Variants in UTP4 observed in about 807,000 individuals in gnomAD.
UTP4 encodes the protein UTP4 small subunit processome component, also known as U3 small nucleolar RNA-associated protein 4 homolog.
In UTP4, 45 loss-of-function variants were observed where a neutral mutation model predicts 82.4. That is an observed-to-expected ratio of 0.55 (90% CI 0.43 to 0.70). UTP4 has a LOEUF of 0.70. Ranked by LOEUF, UTP4 falls within the 30% of genes least tolerant of loss-of-function variation. UTP4 has a pLI of 0.00. For synonymous variants in UTP4, 348 were observed against 300.3 expected (o/e 1.16, Z -1.64); for missense variants, 819 against 858.3 (o/e 0.95, Z 0.57).
intron 10 of UTP4, among the ~76,000 whole-genome samples, chr16:69,155,623 A>G (rs1963390080): frequency 6.6e-6 from 1 of 152,204 alleles, no homozygotes; most frequent in Non-Finnish European, 1.5e-5. Context: ...GTATGAGGCT[A>G]TCTATGAAGT....
intron 13 of UTP4, 114 bp downstream of exon 13, chr16:69,160,576 T>A: frequency 2.6e-6 from 2 of 767,230 alleles, no homozygotes; most frequent in Non-Finnish European, 4.4e-6. Flanking sequence ...TAGACTTTTT[T>A]CTTTTTATTT....
At chr16:69,166,453 A>T (rs1963704917) in intron 15 of UTP4, 1 of 152,790 alleles carries the variant, frequency 6.5e-6, no homozygotes, top group East Asian at 1.9e-4. Flanking sequence ...AATTGAGCCC[A>T]GATCATTTTT....
intron 14 of UTP4, 66 bp from the exon 15 acceptor site, chr16:69,165,275 A>T (rs1357525054): frequency 1.5e-6 from 2 of 1,353,768 alleles, no homozygotes. Context: ...CTGGTTAGGG[A>T]TGAGAATGCC....
intron 16 of UTP4, among the ~76,000 whole-genome samples, chr16:69,168,385 G>A (rs1474148132): frequency 2.2e-5 from 3 of 139,454 alleles, no homozygotes; most frequent in African/African-American, 5.5e-5. Flanking sequence ...GCCGTGAGCC[G>A]AGATTGCGCC....
rs1455897254 is a variant in UTP4, at chr16:69,144,107, C to T, written c.738+718C>T. Among the ~76,000 whole-genome samples the T allele has an allele frequency of 1.0e-4, 15 of 150,436 alleles. 1 individual carries two copies. The highest frequency in any genetic ancestry group is 2.5e-4 in the African/African-American group (10 of 40,782). On this transcript the variant is annotated intron_variant, in intron 6 of 16. Transcript: ENST00000314423. ...TTCACCATGTTGGGCAGGCTAGTCT[C>T]GAACTCCTGACCTCAGGTGATCCAC...
In UTP4 at chr16:69,165,544, A is replaced by G; in HGVS notation, c.1833+18A>G. 2 of 1,602,888 alleles carry G rather than the reference A, an allele frequency of 1.2e-6. No individual in the cohort carries two copies. The highest frequency in any genetic ancestry group is 1.7e-6 in the Non-Finnish European group (2 of 1,169,952). On this transcript the variant is annotated intron_variant, in intron 15 of 16. Coordinates refer to ENST00000314423, the MANE Select transcript of UTP4 (RefSeq NM_032830.3). Reference sequence around the variant, plus strand: ...AGTCATTGGTGAGTTCTTCACTGCTACCTCCCAAATCTTCTTCTGAATCTT... The same window carrying G: ...AGTCATTGGTGAGTTCTTCACTGCTGCCTCCCAAATCTTCTTCTGAATCTT...
Position 69,146,762 on chromosome 16 carries a change from C to T in UTP4, c.738+3373C>T, listed in dbSNP as rs190017934. On this transcript the variant is annotated intron_variant, in intron 6 of 16. Transcript: ENST00000314423. Reference sequence around the variant, plus strand: ...CTGTAATCCTAGCACTTTGGGAGGCCGAGGCGGGTGGATCACGAGGTCAGG... The same window carrying T: ...CTGTAATCCTAGCACTTTGGGAGGCTGAGGCGGGTGGATCACGAGGTCAGG... Among the ~76,000 whole-genome samples, 307 of 151,566 alleles carry T rather than the reference C, an allele frequency of 2.0e-3. 6 individuals are homozygous for T. Among genetic ancestry groups the T allele is most frequent in the Admixed American group, 0.017 (263 of 15,204 alleles).
In UTP4 at chr16:69,135,522, G is replaced by A. The variant is rs909885309; in HGVS notation, c.160-1174G>A. ...GAGCCCAGGAGTGTAAGACCACCCT[G>A]GGCAACATAGTGAGACCCCATCCCT... is the stretch of plus-strand genomic sequence containing the variant. On this transcript the variant is annotated intron_variant, in intron 2 of 16. Coordinates refer to ENST00000314423, the MANE Select transcript of UTP4 (RefSeq NM_032830.3). Among the ~76,000 whole-genome samples the A allele has an allele frequency of 3.3e-5, 5 of 151,966 alleles. No individual in the cohort carries two copies. The South Asian group carries it at 8.3e-4, about 25-fold the overall frequency.
At chr16:69,168,158 C>T (rs996440751) in intron 16 of UTP4, among the ~76,000 whole-genome samples, 2 of 152,038 alleles carry the variant, frequency 1.3e-5, no homozygotes, top group Non-Finnish European at 2.9e-5. Flanking sequence ...CAATCTTGGC[C>T]GGGCGCAGTG....
intron 4 of UTP4, 162 bp from the exon 5 acceptor site, chr16:69,139,639 AAAATAAATAAATAAATAAATAAAT>A (rs60340195): frequency 6.0e-6 from 1 of 166,566 alleles, no homozygotes; most frequent in African/African-American, 2.6e-5. Flanking sequence ...CTCCGTCTCA[AAAATAAATAAATAAATAAATAAAT>A]AAATAAATAA....
intron 11 of UTP4, 95 bp downstream of exon 11, chr16:69,156,088 C>T: frequency 2.3e-6 from 3 of 1,287,096 alleles, no homozygotes; most frequent in Non-Finnish European, 3.4e-6. Flanking sequence ...TGAATCCTTG[C>T]TCAGTTAAAA....
chr16:69,154,872 G>T lies in UTP4; in HGVS notation c.1164+415G>T, dbSNP rs374097220. ...GCCCCCCAAGTAGCTGGGATTACAT[G>T]CATGCGCCACCACGCCCGGCTAATT... On this transcript the variant is annotated intron_variant, in intron 10 of 16. Transcript: ENST00000314423. 4.5e-4 allele frequency among the ~76,000 whole-genome samples: 68 copies of T among 152,176 alleles called. No homozygotes were observed. In the South Asian group the frequency reaches 0.013, roughly 29 times the overall value.
At chr16:69,137,039 C>G (rs2152276658) in intron 3 of UTP4, 152 bp downstream of exon 3, 2 of 742,778 alleles carry the variant, frequency 2.7e-6, no homozygotes, top group Non-Finnish European at 4.8e-6. Context: ...TTTAAAAATC[C>G]CCAGCATTCT....
intron 5 of UTP4, among the ~76,000 whole-genome samples, chr16:69,140,572 G>A (rs768075009): frequency 3.9e-5 from 6 of 151,984 alleles, no homozygotes; most frequent in East Asian, 1.9e-4. Flanking sequence ...AAAATTAGCC[G>A]GGGTGGTGGT....
intron 14 of UTP4, among the ~76,000 whole-genome samples, chr16:69,165,134 G>T (rs967583972): frequency 6.6e-6 from 1 of 151,868 alleles, no homozygotes; most frequent in Non-Finnish European, 1.5e-5. Context: ...GGCGGAGCTT[G>T]CAGTGAGCGG....
rs770480544 is a variant in UTP4 at position 69,157,215 on chromosome 16, C to A, written c.1419C>A (p.His473Gln). The A allele has an allele frequency of 1.9e-6, 3 of 1,614,158 alleles. No individual in the cohort carries two copies. The Admixed American group carries it at 5.0e-5, about 27-fold the overall frequency. ...AGCTGTCAGGAGGAAGCTTCAAGCA[C>A]CTGCATGCTTTCCAGCCTCAGTCAG... ...IVQLSGGSFK[H>Q]LHAFQPQSGT... Residue 473 changes from histidine (H) to glutamine (Q), a missense_variant, in exon 12 of 17, where the codon CAC becomes CAA. His to Gln is a conservative substitution (Grantham distance 24). Transcript: ENST00000314423.
chr16:69,136,261 G>A lies in UTP4; in HGVS notation c.160-435G>A, dbSNP rs1962811832. On this transcript the variant is annotated intron_variant, in intron 2 of 16. Coordinates refer to ENST00000314423, the MANE Select transcript of UTP4 (RefSeq NM_032830.3). ...GAAAACTTTTGGGTTGGGTGCAGTG[G>A]CTCACGCCTATAATCCCAGGACTTT... Among the ~76,000 whole-genome samples the A allele has an allele frequency of 6.6e-5, 10 of 152,256 alleles. No homozygotes were observed. The South Asian group carries it at 2.1e-3, about 32-fold the overall frequency.
intron 6 of UTP4, among the ~76,000 whole-genome samples, 190 bp from the exon 7 acceptor site, chr16:69,150,347 T>G (rs1437572186): frequency 6.6e-6 from 1 of 152,226 alleles, no homozygotes; most frequent in Non-Finnish European, 1.5e-5. Flanking sequence ...GGGGGCGCAT[T>G]GTTACCAGTG....
At chr16:69,135,802 G>A (rs759005303) in intron 2 of UTP4, among the ~76,000 whole-genome samples, 1 of 152,190 alleles carries the variant, frequency 6.6e-6, no homozygotes, top group Non-Finnish European at 1.5e-5. Flanking sequence ...AAGGTGGGCA[G>A]ATCACCTGAG....
Sources: gnomAD v4.1 joint callset for allele counts (sites outside exome capture counted in the v4.1 genomes callset) on GRCh38, gnomAD v4.1.1 for gene constraint, MANE v1.5 for transcripts, NCBI Gene and HGNC (gene_info 2026-07-23, HGNC 2026-07-21) for gene names.